IRAG1: variants seen among roughly 807,000 people sequenced by gnomAD.
IRAG1 encodes the protein inositol 1,4,5-triphosphate receptor associated 1, also known as IP3R-associated cGMP kinase substrate.
In IRAG1, 62 loss-of-function variants were observed where a neutral mutation model predicts 106.2. That is an observed-to-expected ratio of 0.58 (90% CI 0.48 to 0.72). The LOEUF (loss-of-function observed/expected upper bound fraction) is 0.72, where lower values mean the gene tolerates loss of function less well. IRAG1 is among the 30% of genes least tolerant of loss of function. IRAG1 has a pLI of 0.00. For synonymous variants in IRAG1, 462 were observed against 443.9 expected (o/e 1.04, Z -0.51); for missense variants, 1,064 against 1,140.7 (o/e 0.93, Z 0.97).
intron 1 of IRAG1, among the ~76,000 whole-genome samples, chr11:10,673,303 A>G (rs1305169547): frequency 6.6e-6 from 1 of 152,210 alleles, no homozygotes; most frequent in Non-Finnish European, 1.5e-5. Context: ...GAATGAAGTA[A>G]TGATATAAGT....
At chr11:10,688,893 G>A (rs1358975539) in intron 1 of IRAG1, among the ~76,000 whole-genome samples, 1 of 152,118 alleles carries the variant, frequency 6.6e-6, no homozygotes, top group Non-Finnish European at 1.5e-5. Context: ...GTGTTGTTAG[G>A]CAAGTTTCTT....
chr11:10,690,926 G>A (rs1862007146), intron 1 of IRAG1, among the ~76,000 whole-genome samples: 2 of 152,170 alleles, frequency 1.3e-5, no homozygotes, highest in African/African-American at 2.4e-5. Context: ...AAGGGGCAGG[G>A]GCAGGGCCAG....
intron 14 of IRAG1, among the ~76,000 whole-genome samples, chr11:10,601,309 G>C (rs1853976259): frequency 6.6e-6 from 1 of 152,106 alleles, no homozygotes; most frequent in Admixed American, 6.5e-5. Context: ...GTTTCTGCTT[G>C]CAGAGAACGG....
chr11:10,591,576 T>TGACAGGTAG lies in IRAG1; in HGVS notation c.2203_2211dup (p.Leu735_Val737dup). On this transcript the variant is annotated inframe_insertion, in exon 18 of 21. Transcript: ENST00000423302. ...TCCAAAAGTGCAGGCAGTGCTGAAG[T>TGACAGGTAG]GACAGGTAGGCTGCCTTTCCCATTG... 6.3e-7 allele frequency: 1 copy of TGACAGGTAG among 1,598,776 alleles called. No individual in the cohort carries two copies. The highest frequency in any genetic ancestry group is 8.5e-7 in the Non-Finnish European group (1 of 1,172,628).
chr11:10,676,304 G>A (rs1860659815), intron 1 of IRAG1, among the ~76,000 whole-genome samples: 1 of 152,244 alleles, frequency 6.6e-6, no homozygotes. Context: ...GATGGCATGA[G>A]ATGCGTACAT....
intron 5 of IRAG1, 38 bp downstream of exon 5, chr11:10,629,500 G>T (rs1190041071): frequency 6.3e-7 from 1 of 1,595,262 alleles, no homozygotes; most frequent in Non-Finnish European, 8.5e-7. Flanking sequence ...GACCCTAGAG[G>T]GGCTCAGGGC....
chr11:10,581,804 C>T (rs948612908), intron 19 of IRAG1, 63 bp downstream of exon 19: 2 of 1,580,540 alleles, frequency 1.3e-6, no homozygotes, highest in East Asian at 4.5e-5. Flanking sequence ...ACAAGAAAGA[C>T]CCATGGGAAG....
intron 15 of IRAG1, among the ~76,000 whole-genome samples, chr11:10,594,624 G>A (rs925297854): frequency 2.0e-5 from 3 of 152,144 alleles, no homozygotes; most frequent in African/African-American, 7.2e-5. Context: ...CTTGCTAACA[G>A]AAGTAGTTTC....
intron 4 of IRAG1, 107 bp downstream of exon 4, chr11:10,631,884 T>C (rs1018108234): frequency 1.9e-5 from 16 of 862,406 alleles, no homozygotes; most frequent in Non-Finnish European, 2.7e-5. Flanking sequence ...GTTGGACTTA[T>C]CGGGAGGGAG....
At chr11:10,626,882 C>T (rs1254019139) in intron 8 of IRAG1, among the ~76,000 whole-genome samples, 1 of 152,176 alleles carries the variant, frequency 6.6e-6, no homozygotes, top group Non-Finnish European at 1.5e-5. Context: ...CCAGATCTAG[C>T]CTTGGTGCTG....
intron 18 of IRAG1, among the ~76,000 whole-genome samples, chr11:10,585,557 C>T (rs1851872314): frequency 6.6e-6 from 1 of 151,818 alleles, no homozygotes; most frequent in African/African-American, 2.4e-5. Flanking sequence ...ATTTGTGAGC[C>T]TTAAATGAGA....
Position 10,591,615 on chromosome 11 carries a change from G to A in IRAG1, c.2176-3C>T, listed in dbSNP as rs200359923. On this transcript the variant is annotated splice_region_variant and splice_polypyrimidine_tract_variant and intron_variant, in intron 17 of 20. Coordinates refer to ENST00000423302, the MANE Select transcript of IRAG1 (RefSeq NM_130385.4). ...CCTTTCCCATTGGGTGATTCCGACT[G>A]AGTGAAAAACAGAAGACAGAGAATT... The A allele has an allele frequency of 5.0e-5, 79 of 1,589,356 alleles. No homozygotes were observed. The highest frequency in any genetic ancestry group is 6.1e-5 in the Non-Finnish European group (71 of 1,167,772).
intron 10 of IRAG1, among the ~76,000 whole-genome samples, chr11:10,610,187 G>A (rs1047120336): frequency 3.9e-5 from 6 of 152,196 alleles, no homozygotes; most frequent in African/African-American, 1.2e-4. Context: ...TTGGCTCTTT[G>A]GCTATAATGT....
Position 10,576,458 on chromosome 11 carries a change from G to A in IRAG1, c.2613C>T (p.Leu871=). The change falls in exon 21 of 21, where the codon CTC becomes CTT. Residue 871 remains leucine (L), a synonymous_variant. Transcript: ENST00000423302. ...VMLVLTVVLG[L]YNSYNSCAEQ... is the part of the protein sequence containing the mutation. ...CTGCACAAGAGTTATAGGAATTGTA[G>A]AGCCCCAGCACAACAGTCAAGACCA... The A allele has an allele frequency of 6.2e-7, 1 of 1,614,016 alleles. No homozygotes were observed. Among genetic ancestry groups the A allele is most frequent in the Middle Eastern group, 1.6e-4 (1 of 6,062 alleles).
At position 10,680,340 on chromosome 11, in the gene IRAG1, GGAAGGAAA is replaced by G. The variant is rs1172196198; in HGVS notation, c.67+13188_67+13195del. ...AGGGAGGGGGGAAGGAAGGAAGGAA[GGAAGGAAA>G]GAAAGAAAGAAAGAAAGAAAGAAGG... On this transcript the variant is annotated intron_variant, in intron 1 of 20. Coordinates refer to ENST00000423302, the MANE Select transcript of IRAG1 (RefSeq NM_130385.4). Among the ~76,000 whole-genome samples the G allele has an allele frequency of 3.2e-4, 22 of 68,778 alleles. 1 individual carries two copies. Among genetic ancestry groups the G allele is most frequent in the Non-Finnish European group, 2.8e-4 (11 of 39,288 alleles). 45.1% of individuals were successfully genotyped at this position (68,778 alleles called of 152,430 possible). A position where few individuals can be genotyped will look rare whatever the true frequency, so the allele number is the denominator to read the frequency against.
rs1340543192 is a variant in IRAG1, at chr11:10,603,253, T to C, written c.1744-2A>G. 1 of 1,613,488 alleles carries C rather than the reference T, an allele frequency of 6.2e-7. No individual in the cohort carries two copies. The highest frequency in any genetic ancestry group is 8.5e-7 in the Non-Finnish European group (1 of 1,179,748). The stretch of plus-strand genomic sequence containing the variant: ...GTGGTGCCAGAGTGAAGCTGAGGAC[T>C]GAACAGGAGTAGGAGCATCACCTGG... On this transcript the variant is annotated splice_acceptor_variant, in intron 13 of 20. Transcript: ENST00000423302. LOFTEE classifies it high-confidence loss of function.
chr11:10,633,449 G>C (rs1564919816), intron 3 of IRAG1, among the ~76,000 whole-genome samples: 1 of 152,206 alleles, frequency 6.6e-6, no homozygotes, highest in Non-Finnish European at 1.5e-5. Flanking sequence ...CTAGTGCTCT[G>C]TGAAACCAAG....
chr11:10,648,059 A>C (rs550501857), intron 2 of IRAG1, among the ~76,000 whole-genome samples: 11 of 152,248 alleles, frequency 7.2e-5, no homozygotes, highest in Admixed American at 3.3e-4. Flanking sequence ...TTTTCATTAT[A>C]GAAATATTCC....
intron 1 of IRAG1, among the ~76,000 whole-genome samples, chr11:10,678,515 G>C (rs1445596047): frequency 6.6e-6 from 1 of 152,218 alleles, no homozygotes; most frequent in Non-Finnish European, 1.5e-5. Context: ...GAGGCTGACA[G>C]ATTCAGAGGA....
Sources: gnomAD v4.1 joint callset for allele counts (sites outside exome capture counted in the v4.1 genomes callset) on GRCh38, gnomAD v4.1.1 for gene constraint, MANE v1.5 for transcripts, NCBI Gene and HGNC (gene_info 2026-07-23, HGNC 2026-07-21) for gene names.